SLC6A12: variants seen among roughly 807,000 people sequenced by gnomAD.
SLC6A12 encodes sodium- and chloride-dependent betaine transporter.
In SLC6A12, 50 loss-of-function variants were observed where a neutral mutation model predicts 73.3. The observed-to-expected ratio is 0.68, with a 90% CI of 0.54 to 0.86. SLC6A12 has a LOEUF of 0.86. Among genes scored for constraint, SLC6A12 ranks in the 40% least tolerant of loss-of-function variants. The pLI is 0.00. For synonymous variants in SLC6A12, 304 were observed against 309.2 expected (o/e 0.98, Z 0.18); for missense variants, 648 against 772.8 (o/e 0.84, Z 1.92).
intron 3 of SLC6A12, among the ~76,000 whole-genome samples, chr12:207,334 A>G (rs1325080197): frequency 2.0e-5 from 3 of 152,210 alleles, no homozygotes; most frequent in Non-Finnish European, 2.9e-5. Flanking sequence ...ACACCTCTAC[A>G]TTGTGCCTTA....
intron 9 of SLC6A12, 41 bp downstream of exon 9, chr12:197,859 C>T: frequency 2.8e-6 from 4 of 1,420,048 alleles, no homozygotes; most frequent in Non-Finnish European, 4.0e-6. Context: ...TCCCCAGGCC[C>T]CAACCCTCCT....
chr12:191,144 C>G lies in SLC6A12; in HGVS notation c.1769G>C (p.Gly590Ala). Residue 590 changes from glycine (G) to alanine (A), a missense_variant, in exon 16 of 16, where the codon GGC (glycine) becomes GCC (alanine). By Grantham distance (60) the Gly-to-Ala change is moderately conservative (BLOSUM62 0). Transcript: ENST00000684302. ...PQPKQHPCLD[G>A]SAGRNFGPSP... ...GGGCCCAAAGTTCCGGCCAGCACTG[C>G]CATCCAAGCAGGGATGTTGCTTGGG... 7.5e-7 allele frequency: 1 copy of G among 1,338,658 alleles called. No individual in the cohort carries two copies. Among genetic ancestry groups the G allele is most frequent in the East Asian group, 2.8e-5 (1 of 35,382 alleles). 82.9% of individuals were successfully genotyped at this position (1,338,658 alleles called of 1,614,324 possible).
rs629311 is a variant in SLC6A12, at chr12:191,121, G to A, written c.1792C>T (p.Pro598Ser). ...ATCAGTCCTTCCCTTGTTGGGGAGGGCCCAAAGTTCCGGCCAGCACTGCCA... is the reference window on the plus strand; with the variant it reads ...ATCAGTCCTTCCCTTGTTGGGGAGGACCCAAAGTTCCGGCCAGCACTGCCA... ...LDGSAGRNFG[P>S]SPTREGLIAG... The change falls in exon 16 of 16, where the codon CCC (proline) becomes TCC (serine). Residue 598 changes from proline to serine, a missense_variant. Pro to Ser is a moderately conservative substitution (Grantham distance 74, BLOSUM62 -1). Coordinates refer to ENST00000684302, the MANE Select transcript of SLC6A12 (RefSeq NM_001122848.3). 7,391 of 1,355,866 alleles carry A rather than the reference G, an allele frequency of 5.5e-3. 387 individuals are homozygous for A. The African/African-American group carries it at 0.099, about 18-fold the overall frequency. The allele number at this position is 1,355,866 out of a possible 1,614,324, so 84.0% of individuals were successfully genotyped here. A position where few individuals can be genotyped will look rare whatever the true frequency, so the allele number is the denominator to read the frequency against.
rs1316087271 is a variant in SLC6A12, at chr12:204,551, G to A, written c.349+13C>T. ...GCGGCCCCATGAAGGGGAAGGTGGG[G>A]GAGGATACATACCCTGGAAGAGGGG... On this transcript the variant is annotated intron_variant, in intron 4 of 15. Coordinates refer to ENST00000684302, the MANE Select transcript of SLC6A12 (RefSeq NM_001122848.3). The A allele has an allele frequency of 6.2e-7, 1 of 1,613,572 alleles. No homozygotes were observed. Among genetic ancestry groups the A allele is most frequent in the East Asian group, 2.2e-5 (1 of 44,904 alleles).
chr12:195,360 A>C (rs1426470055), intron 12 of SLC6A12, 33 bp from the exon 13 acceptor site: 1 of 1,384,464 alleles, frequency 7.2e-7, no homozygotes, highest in South Asian at 1.2e-5. Context: ...GGGCATGGCC[A>C]GTGCAGAGCT....
intron 3 of SLC6A12, among the ~76,000 whole-genome samples, chr12:208,125 T>C (rs773313545): frequency 1.3e-5 from 2 of 152,186 alleles, no homozygotes; most frequent in Non-Finnish European, 2.9e-5. Flanking sequence ...TCTGCAGTCC[T>C]GGGCAAATCC....
chr12:207,300 C>T (rs1163285766), intron 3 of SLC6A12, among the ~76,000 whole-genome samples: 1 of 152,228 alleles, frequency 6.6e-6, no homozygotes, highest in Non-Finnish European at 1.5e-5. Flanking sequence ...CGACACGGTG[C>T]CCTGAAGCCT....
At chr12:200,217 T>C (rs1465098375) in intron 7 of SLC6A12, among the ~76,000 whole-genome samples, 3 of 148,266 alleles carry the variant, frequency 2.0e-5, no homozygotes, top group African/African-American at 5.0e-5. Flanking sequence ...CACGCCATTC[T>C]CCTGCCTCAG....
In SLC6A12 at chr12:204,498, G is replaced by A; in HGVS notation, c.349+66C>T. 3 of 1,487,208 alleles carry A rather than the reference G, an allele frequency of 2.0e-6. No individual in the cohort carries two copies. In the Admixed American group the frequency reaches 5.0e-5, roughly 25 times the overall value. The allele number at this position is 1,487,208 out of a possible 1,614,324, so 92.1% of individuals were successfully genotyped here. The stretch of plus-strand genomic sequence containing the variant: ...GAAGCAGCGGATGGGTAGGCAGGGA[G>A]AGACCATGGGGGGATGCAGGCAAGA... On this transcript the variant is annotated intron_variant, in intron 4 of 15. Transcript: ENST00000684302.
intron 4 of SLC6A12, chr12:204,197 G>A (rs1050513373): frequency 2.8e-5 from 7 of 247,968 alleles, no homozygotes; most frequent in South Asian, 1.2e-4. Context: ...GTGTTCTGGC[G>A]GAGGCACAGC....
intron 6 of SLC6A12, 106 bp downstream of exon 6, chr12:201,656 G>T: frequency 1.1e-6 from 1 of 892,486 alleles, no homozygotes. Context: ...AGGAAGTGCT[G>T]GAAAGCACAC....
At chr12:207,295 C>T (rs558382674) in intron 3 of SLC6A12, among the ~76,000 whole-genome samples, 5 of 152,256 alleles carry the variant, frequency 3.3e-5, no homozygotes, top group Admixed American at 6.5e-5. Context: ...TTTACCGACA[C>T]GGTGCCCTGA....
chr12:209,821 G>T lies in SLC6A12; in HGVS notation c.166C>A (p.Leu56Met). 1 of 1,614,170 alleles carries T rather than the reference G, an allele frequency of 6.2e-7. No homozygotes were observed. The highest frequency in any genetic ancestry group is 8.5e-7 in the Non-Finnish European group (1 of 1,180,020). The stretch of plus-strand genomic sequence containing the variant: ...TAGGGAAACCTCCAGACATTGCCCA[G>T]CCCAATGATCTCCCCGGCCACTGAC... ...VLSVAGEIIG[L>M]GNVWRFPYLC... The change falls in exon 3 of 16, where the codon CTG (leucine) becomes ATG (methionine). Residue 56 changes from leucine (L) to methionine (M), a missense_variant. Leu to Met is a conservative substitution (Grantham distance 15, BLOSUM62 2). Coordinates refer to ENST00000684302, the MANE Select transcript of SLC6A12 (RefSeq NM_001122848.3).
Position 197,199 on chromosome 12 carries a change from A to T in SLC6A12, c.1075+178T>A. Among the ~76,000 whole-genome samples, 3 of 53,746 alleles carry T rather than the reference A, an allele frequency of 5.6e-5. 1 individual carries two copies. The highest frequency in any genetic ancestry group is 1.3e-4 in the Non-Finnish European group (3 of 22,912). The allele number at this position is 53,746 out of a possible 152,430, so 35.3% of individuals were successfully genotyped here. On this transcript the variant is annotated intron_variant, in intron 10 of 15. Coordinates refer to ENST00000684302, the MANE Select transcript of SLC6A12 (RefSeq NM_001122848.3). The stretch of plus-strand genomic sequence containing the variant: ...CATCCATCCATCCATCCATCCATTC[A>T]TCCATCCATGGAAGCCCTGCTTTGT...
At chr12:185,026 A>G in the SLC6A12 span, among the ~76,000 whole-genome samples, 190 of 152,272 alleles carry the variant, frequency 1.2e-3, 3 homozygotes, top group Admixed American at 1.2e-3. Flanking sequence ...AGCTGCCACC[A>G]CTTCTAGTTA....
intron 11 of SLC6A12, 87 bp downstream of exon 11, chr12:196,683 T>C (rs763262291): frequency 1.1e-5 from 10 of 913,838 alleles, no homozygotes; most frequent in Non-Finnish European, 1.8e-5. Flanking sequence ...GTCAGGGGAG[T>C]GGGAGTGAGG....
chr12:205,369 G>T, intron 3 of SLC6A12, among the ~76,000 whole-genome samples: 1 of 152,290 alleles, frequency 6.6e-6, no homozygotes, highest in Non-Finnish European at 1.5e-5. Context: ...GGATTATTGC[G>T]TGTTACACCA....
chr12:195,947 A>C (rs543272529), intron 12 of SLC6A12, among the ~76,000 whole-genome samples, 177 bp downstream of exon 12: 1 of 152,136 alleles, frequency 6.6e-6, no homozygotes, highest in South Asian at 2.1e-4. Context: ...CTGCAACCAA[A>C]AGAGACCTCA....
intron 2 of SLC6A12, among the ~76,000 whole-genome samples, chr12:210,920 T>C (rs532840783): frequency 3.3e-5 from 5 of 152,192 alleles, no homozygotes; most frequent in South Asian, 4.1e-4. Flanking sequence ...ACGTGGGGCA[T>C]TCTTAGTTCT....
Sources: allele counts gnomAD v4.1 joint callset (sites outside exome capture counted in the v4.1 genomes callset), GRCh38; gene constraint gnomAD v4.1.1; transcripts MANE v1.5; gene names NCBI Gene and HGNC (gene_info 2026-07-23, HGNC 2026-07-21).